Variants in SLC26A7 observed in about 807,000 individuals in gnomAD.
SLC26A7 encodes anion exchange transporter.
Under a neutral mutation model 82.5 loss-of-function variants are expected in SLC26A7, and 59 were observed. The ratio of observed to expected loss-of-function variants is 0.72; its 90% CI spans 0.58 to 0.89. The LOEUF is 0.89. Ranked by LOEUF, SLC26A7 falls within the 40% of genes least tolerant of loss-of-function variation. The pLI, the probability that SLC26A7 is intolerant of heterozygous loss-of-function variation, is 0.00. For synonymous variants in SLC26A7, 271 were observed against 274.3 expected (o/e 0.99, Z 0.12); for missense variants, 820 against 793.0 (o/e 1.03, Z -0.41).
chr8:91,286,717 G>A (rs558401315), intron 2 of SLC26A7, among the ~76,000 whole-genome samples: 125 of 152,264 alleles, frequency 8.2e-4, no homozygotes, highest in African/African-American at 2.5e-3. Context: ...CTGCTAATTT[G>A]TTAGCGACTT....
chr8:91,275,809 C>T (rs1014256506), intron 2 of SLC26A7, among the ~76,000 whole-genome samples: 5 of 152,138 alleles, frequency 3.3e-5, no homozygotes, highest in Admixed American at 3.3e-4. Context: ...GAGTGCTGGC[C>T]TGGACCATGA....
At chr8:91,265,228 G>A (rs1182320042) in intron 2 of SLC26A7, among the ~76,000 whole-genome samples, 1 of 151,930 alleles carries the variant, frequency 6.6e-6, no homozygotes, top group Non-Finnish European at 1.5e-5. Context: ...TTTTATTCTA[G>A]TTTTATAGCT....
At position 91,318,806 on chromosome 8, in the gene SLC26A7, C is replaced by A. The variant is rs113546289; in HGVS notation, c.642+426C>A. ...AAATTGGTGGCTGAAGCCTCAGTAG[C>A]AGACAATCAGCTATTAAAAACCACC... On this transcript the variant is annotated intron_variant, in intron 5 of 18. Coordinates refer to ENST00000276609, the MANE Select transcript of SLC26A7 (RefSeq NM_052832.4). Among the ~76,000 whole-genome samples, 202 of 152,246 alleles carry A rather than the reference C, an allele frequency of 1.3e-3. 2 individuals carry two copies. Among genetic ancestry groups the A allele is most frequent in the African/African-American group, 4.8e-3 (199 of 41,542 alleles).
intron 10 of SLC26A7, among the ~76,000 whole-genome samples, 193 bp downstream of exon 10, chr8:91,352,080 T>A (rs80206690): frequency 1.3e-5 from 2 of 150,288 alleles, no homozygotes; most frequent in African/African-American, 4.9e-5. Flanking sequence ...ACCGTGGCTG[T>A]TTTTTTTTAC....
At chr8:91,257,906 G>C (rs1186468843) in intron 2 of SLC26A7, among the ~76,000 whole-genome samples, 1 of 152,058 alleles carries the variant, frequency 6.6e-6, no homozygotes, top group Non-Finnish European at 1.5e-5. Flanking sequence ...CCACATGGCT[G>C]GGAGGCCTCG....
At chr8:91,381,883 C>G (rs1186362217) in intron 15 of SLC26A7, among the ~76,000 whole-genome samples, 1 of 152,024 alleles carries the variant, frequency 6.6e-6, no homozygotes, top group Non-Finnish European at 1.5e-5. Flanking sequence ...GTTTCATTAC[C>G]TTTACATTTT....
At chr8:91,344,074 A>G in intron 9 of SLC26A7, 2 of 985,396 alleles carry the variant, frequency 2.0e-6, no homozygotes, top group Non-Finnish European at 2.4e-6. Context: ...GCTATTGATG[A>G]TGATGGTGGT....
chr8:91,358,935 T>G (rs903433730), intron 11 of SLC26A7, among the ~76,000 whole-genome samples: 2 of 151,428 alleles, frequency 1.3e-5, no homozygotes, highest in Non-Finnish European at 2.9e-5. Context: ...GGTTGTGGGT[T>G]GGGGGGACGG....
chr8:91,369,289 A>C (rs1399382258), intron 14 of SLC26A7, among the ~76,000 whole-genome samples: 3 of 152,220 alleles, frequency 2.0e-5, no homozygotes, highest in Non-Finnish European at 2.9e-5. Context: ...TAGCAATAAT[A>C]CATTATTTGA....
Position 91,340,384 on chromosome 8 carries a change from T to C in SLC26A7, c.879-20T>C, listed in dbSNP as rs1813369200. Reference sequence around the variant, plus strand: ...ATTACATGAAGTTTGATGACTTCAATATGGTCCTTCTTTCCACAGAATTCC... The same window carrying C: ...ATTACATGAAGTTTGATGACTTCAACATGGTCCTTCTTTCCACAGAATTCC... On this transcript the variant is annotated intron_variant, in intron 7 of 18. Coordinates refer to ENST00000276609, the MANE Select transcript of SLC26A7 (RefSeq NM_052832.4). The C allele has an allele frequency of 6.2e-7, 1 of 1,612,152 alleles. No individual in the cohort carries two copies. The highest frequency in any genetic ancestry group is 1.7e-5 in the Admixed American group (1 of 59,872).
At chr8:91,321,366 C>T (rs576546744) in intron 5 of SLC26A7, among the ~76,000 whole-genome samples, 3 of 152,324 alleles carry the variant, frequency 2.0e-5, no homozygotes, top group African/African-American at 7.2e-5. Context: ...TTTTCTACTT[C>T]TGGCATGAGG....
upstream of SLC26A7, among the ~76,000 whole-genome samples, chr8:91,248,326 ACT>A (rs1396391023): frequency 6.6e-6 from 1 of 152,038 alleles, no homozygotes; most frequent in African/African-American, 2.4e-5. Flanking sequence ...ATGGAGAGCA[ACT>A]CTTCACTTTA....
At chr8:91,315,587 C>T (rs1462185626) in intron 4 of SLC26A7, among the ~76,000 whole-genome samples, 8 of 152,282 alleles carry the variant, frequency 5.3e-5, no homozygotes, top group East Asian at 3.8e-4. Flanking sequence ...GCTGCTTTGG[C>T]GTCCTGAGTT....
chr8:91,322,126 A>G (rs371578034), intron 5 of SLC26A7, among the ~76,000 whole-genome samples: 5 of 152,316 alleles, frequency 3.3e-5, no homozygotes, highest in African/African-American at 1.2e-4. Flanking sequence ...AAAAGACTAA[A>G]TAACAAAACA....
At chr8:91,239,391 A>ATATATATATATATAT (rs1385660578) in intron 2 of SLC26A7, among the ~76,000 whole-genome samples, 1 of 105,240 alleles carries the variant, frequency 9.5e-6, no homozygotes, top group African/African-American at 3.2e-5. Flanking sequence ...AAAAAAAAAA[A>ATATATATATATATAT]AAAAATATAT....
chr8:91,301,207 G>T (rs1812155343), intron 4 of SLC26A7, among the ~76,000 whole-genome samples: 1 of 152,036 alleles, frequency 6.6e-6, no homozygotes, highest in Admixed American at 6.5e-5. Flanking sequence ...TCTTTCTTGT[G>T]CTGTCTTTAT....
chr8:91,293,674 A>G (rs1046116015), intron 3 of SLC26A7, among the ~76,000 whole-genome samples: 9 of 152,130 alleles, frequency 5.9e-5, no homozygotes, highest in Non-Finnish European at 1.3e-4. Context: ...ATTCCTTCCC[A>G]TCTTCCTCCA....
At chr8:91,365,756 T>C (rs1362556221) in intron 13 of SLC26A7, among the ~76,000 whole-genome samples, 1 of 152,212 alleles carries the variant, frequency 6.6e-6, no homozygotes, top group Non-Finnish European at 1.5e-5. Context: ...TCTTTCATAC[T>C]TCTATCCTCT....
chr8:91,254,249 C>A (rs1022407084), intron 2 of SLC26A7, among the ~76,000 whole-genome samples: 1 of 152,118 alleles, frequency 6.6e-6, no homozygotes, highest in Non-Finnish European at 1.5e-5. Flanking sequence ...CATCTCCATG[C>A]GGCAAAATCT....
Sources: allele counts gnomAD v4.1 joint callset (sites outside exome capture counted in the v4.1 genomes callset), GRCh38; gene constraint gnomAD v4.1.1; transcripts MANE v1.5; gene names NCBI Gene and HGNC (gene_info 2026-07-23, HGNC 2026-07-21).